Variants in ZNF215 observed in about 807,000 individuals in gnomAD.
ZNF215 encodes zinc finger protein 215.
A neutral mutation model predicts 27.2 loss-of-function variants in ZNF215; 24 were observed. The ratio of observed to expected loss-of-function variants is 0.88; its 90% CI spans 0.64 to 1.24. The LOEUF (loss-of-function observed/expected upper bound fraction) is 1.24. ZNF215 is among the 50% of genes most tolerant of loss of function. The pLI, the probability that ZNF215 is intolerant of heterozygous loss-of-function variation, is 0.00. For missense variants in ZNF215, 675 were observed against 605.7 expected (o/e 1.11, Z -1.20); for synonymous variants, 210 against 204.0 (o/e 1.03, Z -0.25).
At chr11:6,927,104 T>C (rs533253162) in intron 1 of ZNF215, among the ~76,000 whole-genome samples, 17 of 151,506 alleles carry the variant, frequency 1.1e-4, no homozygotes, top group African/African-American at 4.1e-4. Context: ...GATCAGCTGG[T>C]TTGGGAATGG....
At chr11:6,939,704 T>A (rs1849569578) in intron 3 of ZNF215, among the ~76,000 whole-genome samples, 1 of 152,076 alleles carries the variant, frequency 6.6e-6, no homozygotes, top group Non-Finnish European at 1.5e-5. Context: ...TCAGAAAACA[T>A]GACGGTAAAA....
chr11:6,940,708 G>C (rs1035309289), intron 3 of ZNF215, among the ~76,000 whole-genome samples: 1 of 152,148 alleles, frequency 6.6e-6, no homozygotes, highest in Non-Finnish European at 1.5e-5. Context: ...TAACTGCATG[G>C]TTTTAAGATT....
chr11:6,992,999 A>G (rs1159094205), downstream of ZNF215, among the ~76,000 whole-genome samples: 1 of 152,226 alleles, frequency 6.6e-6, no homozygotes, highest in Non-Finnish European at 1.5e-5. Context: ...CCGGTATCAC[A>G]TAACAATGTA....
At chr11:6,954,358 C>T (rs189164238) in intron 6 of ZNF215, among the ~76,000 whole-genome samples, 8 of 152,374 alleles carry the variant, frequency 5.3e-5, no homozygotes, top group South Asian at 4.1e-4. Context: ...TACAGAGGCA[C>T]GAAGGCCTCC....
At chr11:6,971,759 C>A (rs531759086) in intron 5 of ZNF215, among the ~76,000 whole-genome samples, 1 of 151,782 alleles carries the variant, frequency 6.6e-6, no homozygotes, top group Non-Finnish European at 1.5e-5. Context: ...TCTGATTCAG[C>A]CTTAGTTAAA....
chr11:6,935,665 T>C (rs756075427), intron 3 of ZNF215, among the ~76,000 whole-genome samples: 17 of 151,974 alleles, frequency 1.1e-4, no homozygotes, highest in Non-Finnish European at 1.8e-4. Context: ...AAAAAAAGAT[T>C]AAAAAGGAAA....
At chr11:6,952,316 C>G (rs920953668) in intron 6 of ZNF215, among the ~76,000 whole-genome samples, 1 of 152,110 alleles carries the variant, frequency 6.6e-6, no homozygotes, top group Non-Finnish European at 1.5e-5. Context: ...GTTGATCTAT[C>G]TAATGTTGAC....
intron 6 of ZNF215, among the ~76,000 whole-genome samples, chr11:6,947,690 A>T (rs1669627173): frequency 6.6e-6 from 1 of 152,220 alleles, no homozygotes; most frequent in African/African-American, 2.4e-5. Flanking sequence ...GTTTTTGGTT[A>T]TCTGTTACTT....
intron 3 of ZNF215, among the ~76,000 whole-genome samples, chr11:6,938,091 A>G (rs1192254787): frequency 6.6e-6 from 1 of 152,056 alleles, no homozygotes; most frequent in Non-Finnish European, 1.5e-5. Context: ...TGAAAATCAT[A>G]TATCTGATAA....
intron 6 of ZNF215, among the ~76,000 whole-genome samples, chr11:6,948,924 G>C (rs1197628120): frequency 9.3e-5 from 11 of 118,478 alleles, no homozygotes; most frequent in Non-Finnish European, 1.5e-4. Context: ...AACAGTCCCA[G>C]AGTGTGATGT....
chr11:6,982,927 T>C lies in ZNF215; in HGVS notation c.806-1202T>C, dbSNP rs1564978977. On this transcript the variant is annotated intron_variant, in intron 5 of 5. Coordinates refer to the ZNF215 transcript ENST00000529903. ...AAAATCAGAGCAGAACTGAAGGAAA[T>C]AGAGACACAAAAAACCCTTCAAAAA... is the stretch of plus-strand genomic sequence containing the variant. Among the ~76,000 whole-genome samples, 17 of 150,232 alleles carry C rather than the reference T, an allele frequency of 1.1e-4. 1 individual carries two copies. The South Asian group carries it at 3.4e-3, about 30-fold the overall frequency.
intron 6 of ZNF215, among the ~76,000 whole-genome samples, chr11:6,946,530 C>T (rs905151559): frequency 3.3e-5 from 5 of 152,064 alleles, no homozygotes; most frequent in African/African-American, 9.7e-5. Context: ...TCTGGTTGTC[C>T]CTGGAATGTG....
At position 6,956,538 on chromosome 11, in the gene ZNF215, A is replaced by G. The variant is rs771180139; in HGVS notation, c.*7A>G. ...TACTCGAGATAAGTCCTGAAAAAAG[A>G]AAAAATGAAAGATTACCTTCAGTCA... On this transcript the variant is annotated 3_prime_UTR_variant, in exon 7 of 7. Transcript: ENST00000278319. 2 of 1,551,450 alleles carry G rather than the reference A, an allele frequency of 1.3e-6. No homozygotes were observed. Among genetic ancestry groups the G allele is most frequent in the South Asian group, 2.5e-5 (2 of 80,678 alleles).
chr11:6,967,272 C>T (rs1042328142), intron 5 of ZNF215, among the ~76,000 whole-genome samples: 3 of 152,132 alleles, frequency 2.0e-5, no homozygotes, highest in Non-Finnish European at 4.4e-5. Context: ...AATAAACATA[C>T]ATGTATGTGT....
downstream of ZNF215, among the ~76,000 whole-genome samples, chr11:6,986,113 C>G (rs1851050632): frequency 6.6e-6 from 1 of 151,988 alleles, no homozygotes. Flanking sequence ...ATCACATTAC[C>G]CAACTTCAAA....
intron 6 of ZNF215, among the ~76,000 whole-genome samples, chr11:6,951,783 A>C (rs1392447433): frequency 6.6e-6 from 1 of 152,086 alleles, no homozygotes; most frequent in Non-Finnish European, 1.5e-5. Flanking sequence ...TAGCTTTTGA[A>C]TGCATTTGCT....
downstream of ZNF215, among the ~76,000 whole-genome samples, chr11:6,961,554 G>GT (rs1419659899): frequency 2.0e-5 from 3 of 152,028 alleles, no homozygotes; most frequent in African/African-American, 4.8e-5. Flanking sequence ...ACTGTCACCA[G>GT]GATATGCATT....
chr11:6,966,663 C>G (rs1231432375), intron 5 of ZNF215, among the ~76,000 whole-genome samples: 1 of 151,938 alleles, frequency 6.6e-6, no homozygotes, highest in Admixed American at 6.6e-5. Flanking sequence ...ATCTCTTAGT[C>G]TGGCTACTGG....
chr11:6,984,524 G>T (rs1472150106), exon 6 of ZNF215: 3 of 152,682 alleles, frequency 2.0e-5, no homozygotes, highest in Non-Finnish European at 4.4e-5. Context: ...GAAGATACTT[G>T]TCACAGCGTT....
Sources: allele counts gnomAD v4.1 joint callset (sites outside exome capture counted in the v4.1 genomes callset), GRCh38; gene constraint gnomAD v4.1.1; transcripts MANE v1.5; gene names NCBI Gene and HGNC (gene_info 2026-07-23, HGNC 2026-07-21).